The following ACTR3C variants were observed in gnomAD, a reference collection of about 807,000 sequenced individuals.
ACTR3C encodes actin-related protein 3C.
Under a neutral mutation model 26.3 loss-of-function variants are expected in ACTR3C, and 18 were observed. The ratio of observed to expected loss-of-function variants is 0.68; its 90% CI spans 0.47 to 1.01. The LOEUF (loss-of-function observed/expected upper bound fraction) is 1.01, where lower values mean the gene tolerates loss of function less well. Among genes scored for constraint, ACTR3C ranks in the 50% least tolerant of loss-of-function variants. ACTR3C has a pLI of 0.00. For missense variants in ACTR3C, 184 were observed against 250.7 expected, an observed-to-expected ratio of 0.73 and a Z score of 1.80; for synonymous variants, 55 against 94.5, an observed-to-expected ratio of 0.58 and a Z score of 2.42.
chr7:150,128,885 C>G, the ACTR3C span, among the ~76,000 whole-genome samples: 3 of 151,712 alleles, frequency 2.0e-5, no homozygotes, highest in Non-Finnish European at 4.4e-5. Context: ...AGGGCCCCAG[C>G]TCACTGCCTA....
chr7:150,043,950 C>T, the ACTR3C span, among the ~76,000 whole-genome samples: 11 of 152,224 alleles, frequency 7.2e-5, no homozygotes, highest in South Asian at 2.1e-4. Context: ...GGTTGGTTGT[C>T]GAAGACATAG....
intron 1 of ACTR3C, among the ~76,000 whole-genome samples, chr7:150,319,230 G>A (rs1248152760): frequency 2.0e-5 from 3 of 148,032 alleles, no homozygotes; most frequent in African/African-American, 7.5e-5. Flanking sequence ...TTGAGACAGA[G>A]TCTCACTCTG....
At chr7:150,137,511 C>T in the ACTR3C span, among the ~76,000 whole-genome samples, 2 of 152,226 alleles carry the variant, frequency 1.3e-5, no homozygotes, top group Admixed American at 6.5e-5. Flanking sequence ...ACCTCTTCTG[C>T]CTCACCTTCC....
chr7:150,124,082 T>C, the ACTR3C span, among the ~76,000 whole-genome samples: 2 of 152,190 alleles, frequency 1.3e-5, no homozygotes, highest in Non-Finnish European at 2.9e-5. Flanking sequence ...CCTCCTTTTA[T>C]GTCAGATGTT....
the ACTR3C span, chr7:150,004,538 T>C: frequency 6.6e-6 from 1 of 151,992 alleles, no homozygotes; most frequent in South Asian, 2.1e-4. Context: ...ATTTGATGAG[T>C]CAAAAGATAT....
the ACTR3C span, among the ~76,000 whole-genome samples, chr7:150,236,760 C>T: frequency 5.6e-3 from 834 of 149,120 alleles, 36 homozygotes; most frequent in African/African-American, 0.02. Flanking sequence ...TGGAGTGTAC[C>T]CCGTGAAAGC....
At chr7:149,979,410 C>T in the ACTR3C span, among the ~76,000 whole-genome samples, 3 of 152,092 alleles carry the variant, frequency 2.0e-5, no homozygotes, top group Non-Finnish European at 4.4e-5. Context: ...ACGTGTATTC[C>T]CTTCCCCCTA....
the ACTR3C span, among the ~76,000 whole-genome samples, chr7:149,900,995 T>C: frequency 3.3e-5 from 5 of 152,304 alleles, no homozygotes; most frequent in East Asian, 9.6e-4. Flanking sequence ...ATCACACCAC[T>C]GCACTCCAGC....
the ACTR3C span, among the ~76,000 whole-genome samples, chr7:150,012,317 C>CTTTTTTTTTT: frequency 2.2e-4 from 29 of 131,268 alleles, 10 homozygotes; most frequent in South Asian, 1.3e-3. Context: ...ATAAATGCAT[C>CTTTTTTTTTT]TTTTTTTTTT....
At chr7:150,135,897 G>A in the ACTR3C span, among the ~76,000 whole-genome samples, 1 of 152,156 alleles carries the variant, frequency 6.6e-6, no homozygotes, top group Non-Finnish European at 1.5e-5. Context: ...GAAAAGGAAA[G>A]AAAGAAGCCA....
the ACTR3C span, among the ~76,000 whole-genome samples, chr7:150,126,656 C>G: frequency 6.6e-6 from 1 of 152,186 alleles, no homozygotes; most frequent in Admixed American, 6.5e-5. Context: ...ATAGGCCCAA[C>G]AAGTGCTTTG....
the ACTR3C span, among the ~76,000 whole-genome samples, chr7:150,227,518 AT>A: frequency 6.6e-6 from 1 of 151,078 alleles, no homozygotes; most frequent in Non-Finnish European, 1.5e-5. Flanking sequence ...CAACGTATGA[AT>A]TTTTTCTTTC....
chr7:149,966,280 T>A, the ACTR3C span, among the ~76,000 whole-genome samples: 33,819 of 152,090 alleles, frequency 0.22, 4,314 homozygotes, highest in South Asian at 0.35. Context: ...CCTGCCCCCA[T>A]CTGATGTGAG....
the ACTR3C span, among the ~76,000 whole-genome samples, chr7:149,886,957 C>CAA: frequency 3.7e-5 from 5 of 136,186 alleles, no homozygotes; most frequent in Admixed American, 1.5e-4. Context: ...GAGACTGACT[C>CAA]AAAAAAAAAA....
the ACTR3C span, among the ~76,000 whole-genome samples, chr7:150,193,080 A>G: frequency 1.3e-5 from 2 of 152,076 alleles, no homozygotes; most frequent in Non-Finnish European, 2.9e-5. Flanking sequence ...GAACATACCC[A>G]CTTTGCTGAT....
chr7:149,990,245 G>A, the ACTR3C span, among the ~76,000 whole-genome samples: 23 of 150,608 alleles, frequency 1.5e-4, no homozygotes, highest in African/African-American at 4.4e-4. Context: ...CTTCACCCAC[G>A]TGCACCCCCA....
At chr7:149,908,751 A>G in the ACTR3C span, among the ~76,000 whole-genome samples, 1 of 152,174 alleles carries the variant, frequency 6.6e-6, no homozygotes, top group East Asian at 1.9e-4. Flanking sequence ...TCCAAATAAT[A>G]ACCTGAAATA....
At chr7:149,916,670 G>GTT in the ACTR3C span, among the ~76,000 whole-genome samples, 19 of 140,588 alleles carry the variant, frequency 1.4e-4, no homozygotes, top group Non-Finnish European at 1.8e-4. Flanking sequence ...AAAGCCCTTG[G>GTT]TTTTTTTAAC....
chr7:150,049,003 G>C, the ACTR3C span, among the ~76,000 whole-genome samples: 1 of 152,010 alleles, frequency 6.6e-6, no homozygotes, highest in Non-Finnish European at 1.5e-5. Context: ...GCGGAGGCTC[G>C]GCTCTCCGGC....
Sources: gnomAD v4.1 joint callset for allele counts (sites outside exome capture counted in the v4.1 genomes callset) on GRCh38, gnomAD v4.1.1 for gene constraint, MANE v1.5 for transcripts, NCBI Gene and HGNC (gene_info 2026-07-23, HGNC 2026-07-21) for gene names.